The following DTX4 variants were observed in gnomAD, a reference collection of about 807,000 sequenced individuals.
The protein encoded by DTX4 is deltex E3 ubiquitin ligase 4.
A neutral mutation model predicts 57.6 loss-of-function variants in DTX4; 28 were observed. The observed-to-expected ratio is 0.49, with a 90% CI of 0.36 to 0.67. The LOEUF is 0.67. DTX4 is among the 30% of genes least tolerant of loss of function. The pLI is 0.00. For synonymous variants in DTX4, 316 were observed against 331.0 expected (o/e 0.95, Z 0.49); for missense variants, 715 against 836.8 (o/e 0.85, Z 1.80).
rs1482596207 is a variant in DTX4 at position 59,182,350 on chromosome 11, G to T, written c.823G>T (p.Ala275Ser). ...MPTGTTMGSPASPPGPNSKTG... is the reference protein window; with the variant it reads ...MPTGTTMGSPSSPPGPNSKTG... ...CACTGGGACAACCATGGGCTCTCCT[G>T]CCAGTCCCCCAGGACCCAACAGCAA... Residue 275 changes from alanine (A) to serine (S), a missense_variant, in exon 2 of 9, where the codon GCC becomes TCC. Physicochemically the swap from Ala to Ser is moderately conservative, Grantham distance 99 (BLOSUM62 1). Transcript: ENST00000227451. 8.1e-6 allele frequency: 13 copies of T among 1,613,522 alleles called. No homozygotes were observed. Among genetic ancestry groups the T allele is most frequent in the Non-Finnish European group, 1.1e-5 (13 of 1,179,858 alleles).
intron 8 of DTX4, 97 bp from the exon 9 acceptor site, chr11:59,204,579 A>C (rs1565222755): frequency 2.6e-6 from 3 of 1,141,468 alleles, no homozygotes; most frequent in Non-Finnish European, 3.8e-6. Context: ...TGATGCAGGA[A>C]GGGATGGGGC....
chr11:59,176,203 A>G (rs769817975), intron 1 of DTX4, among the ~76,000 whole-genome samples: 39 of 152,206 alleles, frequency 2.6e-4, no homozygotes, highest in Admixed American at 2.6e-4. Context: ...TTAGCATAGA[A>G]GTGGAGGAGG....
chr11:59,186,933 A>C (rs1165418876), intron 2 of DTX4, among the ~76,000 whole-genome samples: 1 of 152,220 alleles, frequency 6.6e-6, no homozygotes, highest in Non-Finnish European at 1.5e-5. Context: ...GTGAGACACA[A>C]ACATTCCCAT....
intron 1 of DTX4, among the ~76,000 whole-genome samples, chr11:59,180,108 C>T (rs1439784248): frequency 6.6e-6 from 1 of 152,014 alleles, no homozygotes; most frequent in Non-Finnish European, 1.5e-5. Context: ...TCCTCAAATC[C>T]ACCCTTTGAA....
At chr11:59,203,699 A>G (rs1862766474) in intron 8 of DTX4, among the ~76,000 whole-genome samples, 1 of 152,226 alleles carries the variant, frequency 6.6e-6, no homozygotes, top group Non-Finnish European at 1.5e-5. Flanking sequence ...GGCAATAGGA[A>G]TTTCTCAGCT....
At chr11:59,203,219 A>G (rs1016297113) in intron 8 of DTX4, among the ~76,000 whole-genome samples, 11 of 152,354 alleles carry the variant, frequency 7.2e-5, no homozygotes, top group Middle Eastern at 3.4e-3. Flanking sequence ...TTCTTCAATC[A>G]TAAACTAACC....
chr11:59,175,894 A>ATT (rs143080310), intron 1 of DTX4, among the ~76,000 whole-genome samples: 3 of 137,962 alleles, frequency 2.2e-5, no homozygotes, highest in Non-Finnish European at 3.2e-5. Flanking sequence ...GTCAGGCCTC[A>ATT]TTTTTTTTTT....
At chr11:59,204,577 G>A (rs1165584059) in intron 8 of DTX4, 99 bp from the exon 9 acceptor site, 1 of 1,128,110 alleles carries the variant, frequency 8.9e-7, no homozygotes, top group Admixed American at 2.1e-5. Context: ...CATGATGCAG[G>A]AAGGGATGGG....
At chr11:59,173,778 G>T (rs915603146) in intron 1 of DTX4, among the ~76,000 whole-genome samples, 1 of 152,130 alleles carries the variant, frequency 6.6e-6, no homozygotes, top group Non-Finnish European at 1.5e-5. Flanking sequence ...GGGGCCTTGG[G>T]GGGTGGGGAG....
chr11:59,191,964 A>T, intron 5 of DTX4, 134 bp from the exon 6 acceptor site: 1 of 947,056 alleles, frequency 1.1e-6, no homozygotes. Flanking sequence ...GATTCCAGAA[A>T]GCACTTACAC....
intron 2 of DTX4, among the ~76,000 whole-genome samples, chr11:59,186,486 C>T (rs1862530188): frequency 6.6e-6 from 1 of 152,172 alleles, no homozygotes; most frequent in Admixed American, 6.5e-5. Flanking sequence ...GAGCAGGACA[C>T]AGGAAGCCGG....
At chr11:59,199,170 C>T (rs372023616) in intron 7 of DTX4, among the ~76,000 whole-genome samples, 1 of 152,318 alleles carries the variant, frequency 6.6e-6, no homozygotes, top group South Asian at 2.1e-4. Context: ...CTTGGAGGCA[C>T]TTTCTTTATT....
intron 2 of DTX4, among the ~76,000 whole-genome samples, chr11:59,183,643 G>A (rs925906988): frequency 4.6e-5 from 7 of 152,142 alleles, no homozygotes; most frequent in African/African-American, 1.4e-4. Flanking sequence ...CTAAGAAGGT[G>A]GTTTTGGTAC....
intron 4 of DTX4, among the ~76,000 whole-genome samples, chr11:59,190,240 C>T (rs375497469): frequency 1.3e-5 from 2 of 152,110 alleles, no homozygotes; most frequent in Non-Finnish European, 2.9e-5. Flanking sequence ...ATAGTCTTAT[C>T]GGAAATAACA....
intron 8 of DTX4, among the ~76,000 whole-genome samples, chr11:59,202,922 C>T (rs1197641400): frequency 6.6e-6 from 1 of 152,186 alleles, no homozygotes; most frequent in Non-Finnish European, 1.5e-5. Context: ...TGCTTCTAGG[C>T]TACAAACCTG....
upstream of DTX4, chr11:59,171,460 T>G (rs1203953549): frequency 6.6e-6 from 1 of 152,288 alleles, no homozygotes; most frequent in Non-Finnish European, 1.5e-5. Flanking sequence ...ACGTTGAATC[T>G]GGCCAGAAAA....
rs1862820554 is a variant in DTX4, at chr11:59,207,020, C to A, written c.*2111C>A. The A allele has an allele frequency of 6.6e-6, 1 of 152,190 alleles. No individual in the cohort carries two copies. Among genetic ancestry groups the A allele is most frequent in the South Asian group, 2.1e-4 (1 of 4,830 alleles). 9.4% of individuals were successfully genotyped at this position (152,190 alleles called of 1,614,324 possible). A position where few individuals can be genotyped will look rare whatever the true frequency, so the allele number is the denominator to read the frequency against. On this transcript the variant is annotated 3_prime_UTR_variant, in exon 9 of 9. Coordinates refer to ENST00000227451, the MANE Select transcript of DTX4 (RefSeq NM_015177.2). ...GCGGTGTTTAATATCACACCCATGC[C>A]CTTTGTCAGGTTACCATGTACAGAG...
chr11:59,188,037 A>T (rs1297398467), intron 2 of DTX4, among the ~76,000 whole-genome samples: 2 of 152,148 alleles, frequency 1.3e-5, no homozygotes, highest in Non-Finnish European at 2.9e-5. Context: ...GTCCTTCTAA[A>T]AACATCTTAG....
At chr11:59,193,985 C>T (rs978752144) in intron 6 of DTX4, among the ~76,000 whole-genome samples, 4 of 152,162 alleles carry the variant, frequency 2.6e-5, no homozygotes, top group Non-Finnish European at 4.4e-5. Flanking sequence ...TTCTCTTTGC[C>T]CCTCCTTTTT....
Sources: gnomAD v4.1 joint callset for allele counts (sites outside exome capture counted in the v4.1 genomes callset) on GRCh38, gnomAD v4.1.1 for gene constraint, MANE v1.5 for transcripts, NCBI Gene and HGNC (gene_info 2026-07-23, HGNC 2026-07-21) for gene names.